PCDHA1: variants seen among roughly 807,000 people sequenced by gnomAD.
The protein encoded by PCDHA1 is protocadherin alpha 1.
PCDHA1 carries 42 observed loss-of-function variants against 61.3 expected under a neutral mutation model. That is an observed-to-expected ratio of 0.69 (90% CI 0.54 to 0.89). PCDHA1 has a LOEUF of 0.89. Ranked by LOEUF, PCDHA1 falls within the 40% of genes least tolerant of loss-of-function variation. The pLI, the probability that PCDHA1 is intolerant of heterozygous loss-of-function variation, is 0.00. For synonymous variants in PCDHA1, 610 were observed against 553.8 expected, an observed-to-expected ratio of 1.10 and a Z score of -1.43; for missense variants, 1,256 against 1,235.3, an observed-to-expected ratio of 1.02 and a Z score of -0.25.
chr5:140,834,252 ACG>A, intron 1 of PCDHA1: 2 of 916,406 alleles, frequency 2.2e-6, no homozygotes, highest in Non-Finnish European at 3.3e-6. Context: ...CACTGGAAAG[ACG>A]CTCCACTCTC....
chr5:140,805,138 A>G, intron 1 of PCDHA1: 1 of 1,572,924 alleles, frequency 6.4e-7, no homozygotes, highest in African/African-American at 1.3e-5. Context: ...GACATTTTGA[A>G]GACTTTGGAA....
Position 140,795,835 on chromosome 5 carries a change from A to G in PCDHA1, c.2394+7151A>G, listed in dbSNP as rs1032626475. ...TAGTGATGTGTCCTCCACTATACAG[A>G]CTAAGTTTACCATAGATCCCATCTC... On this transcript the variant is annotated intron_variant, in intron 1 of 3. Coordinates refer to ENST00000504120, the MANE Select transcript of PCDHA1 (RefSeq NM_018900.4). The G allele has an allele frequency of 1.5e-5, 25 of 1,613,802 alleles. No homozygotes were observed. Among genetic ancestry groups the G allele is most frequent in the Non-Finnish European group, 2.0e-5 (24 of 1,179,976 alleles).
chr5:140,951,149 T>C (rs911841540), intron 1 of PCDHA1, among the ~76,000 whole-genome samples: 8 of 100,620 alleles, frequency 8.0e-5, no homozygotes, highest in African/African-American at 3.8e-4. Context: ...TCTTATTGAA[T>C]ATAGTTATAG....
chr5:140,803,820 G>C, intron 1 of PCDHA1: 1 of 661,202 alleles, frequency 1.5e-6, no homozygotes, highest in Non-Finnish European at 2.5e-6. Flanking sequence ...TTTGTTATTA[G>C]GTGCAGTAGT....
intron 1 of PCDHA1, among the ~76,000 whole-genome samples, chr5:140,952,242 C>A (rs1469286013): frequency 6.6e-6 from 1 of 151,750 alleles, no homozygotes; most frequent in Admixed American, 6.6e-5. Flanking sequence ...CTGCTTAGAA[C>A]TGCTGGTGGA....
chr5:140,852,853 C>A, intron 1 of PCDHA1: 1 of 962,938 alleles, frequency 1.0e-6, no homozygotes, highest in Non-Finnish European at 1.3e-6. Context: ...ACTTACTAAG[C>A]ATTTACTATG....
intron 1 of PCDHA1, among the ~76,000 whole-genome samples, chr5:140,957,852 A>ATT (rs5871756): frequency 1.3e-5 from 2 of 151,656 alleles, no homozygotes; most frequent in East Asian, 1.9e-4. Flanking sequence ...GAGTTTGTGT[A>ATT]TTTTTTTTCC....
intron 1 of PCDHA1, among the ~76,000 whole-genome samples, chr5:140,942,794 A>C (rs782783696): frequency 2.6e-4 from 39 of 152,326 alleles, no homozygotes; most frequent in Middle Eastern, 3.4e-3. Flanking sequence ...TTACAAAGGC[A>C]TGTTTTCCAC....
chr5:140,907,554 A>G (rs1554193052), intron 1 of PCDHA1, among the ~76,000 whole-genome samples: 2 of 152,224 alleles, frequency 1.3e-5, no homozygotes, highest in African/African-American at 2.4e-5. Context: ...AAGAGGTCCA[A>G]TATAATCAAC....
chr5:140,891,055 G>A (rs2062932146), intron 1 of PCDHA1, among the ~76,000 whole-genome samples: 1 of 152,142 alleles, frequency 6.6e-6, no homozygotes, highest in Admixed American at 6.5e-5. Context: ...ACAGCACATA[G>A]TAAATATTAT....
rs373922357 is a variant in PCDHA1, at chr5:140,927,079, G to A, written c.2395-51870G>A. ...CTTTCGCTTCCTTTCCAGCCACCGC[G>A]AGCTCTACTTCGGGGTGGATCTACC... On this transcript the variant is annotated intron_variant, in intron 1 of 3. Transcript: ENST00000504120. 2.5e-6 allele frequency: 4 copies of A among 1,610,988 alleles called. No homozygotes were observed. The highest frequency in any genetic ancestry group is 2.5e-6 in the Non-Finnish European group (3 of 1,177,702).
chr5:140,786,227 A>G lies in PCDHA1; in HGVS notation c.-64A>G. 1 of 1,507,008 alleles carries G rather than the reference A, an allele frequency of 6.6e-7. No homozygotes were observed. The highest frequency in any genetic ancestry group is 2.3e-5 in the East Asian group (1 of 44,130). The allele number at this position is 1,507,008 out of a possible 1,614,324, so 93.4% of individuals were successfully genotyped here. On this transcript the variant is annotated 5_prime_UTR_variant, in exon 1 of 4. It adds an upstream start codon to the 5' untranslated region. Transcript: ENST00000504120. ...GGTAAAGAGATAAATGATTGGAAATATTAGATAAAATGGCATGATTTTGAA... is the reference window on the plus strand; with the variant it reads ...GGTAAAGAGATAAATGATTGGAAATGTTAGATAAAATGGCATGATTTTGAA...
intron 1 of PCDHA1, among the ~76,000 whole-genome samples, chr5:140,934,191 C>T (rs563342404): frequency 6.6e-6 from 1 of 152,224 alleles, no homozygotes; most frequent in African/African-American, 2.4e-5. Flanking sequence ...ACATACTTTT[C>T]ATTTCTATTT....
intron 1 of PCDHA1, chr5:140,854,468 A>G (rs1581342472): frequency 6.7e-6 from 1 of 150,046 alleles, no homozygotes; most frequent in African/African-American, 2.4e-5. Flanking sequence ...CCAGAGGAGT[A>G]GAGAAGTATA....
chr5:140,905,540 C>T (rs1294771375), intron 1 of PCDHA1, among the ~76,000 whole-genome samples: 5 of 151,890 alleles, frequency 3.3e-5, no homozygotes, highest in African/African-American at 9.7e-5. Flanking sequence ...TCCATATGAA[C>T]TTTAGGATTG....
At position 140,938,754 on chromosome 5, in the gene PCDHA1, A is replaced by G. The variant is rs79400957; in HGVS notation, c.2395-40195A>G. Among the ~76,000 whole-genome samples the G allele has an allele frequency of 2.9e-3, 442 of 152,274 alleles. 1 individual carries two copies. Among genetic ancestry groups the G allele is most frequent in the African/African-American group, 0.01 (423 of 41,554 alleles). The stretch of plus-strand genomic sequence containing the variant: ...AAAAAATAATTATTTTTAAAGGCAT[A>G]GTTATTGGGTACTAGACTTAGTACC... On this transcript the variant is annotated intron_variant, in intron 1 of 3. Transcript: ENST00000504120.
At chr5:140,870,390 G>T (rs377600629) in intron 1 of PCDHA1, 248 of 1,614,112 alleles carry the variant, frequency 1.5e-4, no homozygotes, top group Non-Finnish European at 1.8e-4. Context: ...CGCGGGATGG[G>T]GGTTCGCCTT....
chr5:140,934,741 T>TATG (rs2090025323), intron 1 of PCDHA1, among the ~76,000 whole-genome samples: 1 of 152,144 alleles, frequency 6.6e-6, no homozygotes, highest in Non-Finnish European at 1.5e-5. Flanking sequence ...TAGGTGTCAT[T>TATG]ATGAACTCAT....
intron 1 of PCDHA1, chr5:140,808,196 A>G (rs782183352): frequency 6.2e-7 from 1 of 1,614,262 alleles, no homozygotes; most frequent in Non-Finnish European, 8.5e-7. Flanking sequence ...TTGTAGAGTT[A>G]TTGTGGAAGT....
Sources: allele counts gnomAD v4.1 joint callset (sites outside exome capture counted in the v4.1 genomes callset), GRCh38; gene constraint gnomAD v4.1.1; transcripts MANE v1.5; gene names NCBI Gene and HGNC (gene_info 2026-07-23, HGNC 2026-07-21).